ZNF385D: variants seen among roughly 807,000 people sequenced by gnomAD.
ZNF385D encodes zinc finger protein 659.
A neutral mutation model predicts 35.8 loss-of-function variants in ZNF385D; 15 were observed. That is an observed-to-expected ratio of 0.42 (90% CI 0.28 to 0.64). The LOEUF (loss-of-function observed/expected upper bound fraction) is 0.64, where lower values mean the gene tolerates loss of function less well. ZNF385D is among the 30% of genes least tolerant of loss of function. ZNF385D has a pLI of 0.23. For synonymous variants in ZNF385D, 212 were observed against 186.8 expected, an observed-to-expected ratio of 1.13 and a Z score of -1.10; for missense variants, 474 against 494.6, an observed-to-expected ratio of 0.96 and a Z score of 0.39.
intron 2 of ZNF385D, among the ~76,000 whole-genome samples, chr3:22,190,274 T>C (rs1695926421): frequency 6.6e-6 from 1 of 152,194 alleles, no homozygotes; most frequent in Non-Finnish European, 1.5e-5. Flanking sequence ...GTCCATGATA[T>C]GGTATATCCT....
At chr3:22,246,933 T>C (rs983381234) in intron 2 of ZNF385D, among the ~76,000 whole-genome samples, 6 of 152,104 alleles carry the variant, frequency 3.9e-5, no homozygotes, top group African/African-American at 1.4e-4. Flanking sequence ...TTGTACCTTT[T>C]GTCAATCATA....
At chr3:21,979,034 C>T (rs1313461352) in intron 3 of ZNF385D, among the ~76,000 whole-genome samples, 1 of 152,156 alleles carries the variant, frequency 6.6e-6, no homozygotes, top group Non-Finnish European at 1.5e-5. Flanking sequence ...CAAAAGCCTG[C>T]TCAATGGACA....
At chr3:22,092,494 T>A (rs570149534) in intron 3 of ZNF385D, among the ~76,000 whole-genome samples, 52 of 152,132 alleles carry the variant, frequency 3.4e-4, no homozygotes, top group Non-Finnish European at 6.3e-4. Context: ...TCTACTGATA[T>A]CTTCCTGAGT....
intron 3 of ZNF385D, among the ~76,000 whole-genome samples, chr3:21,847,341 C>G (rs1553684030): frequency 2.6e-5 from 4 of 151,656 alleles, no homozygotes; most frequent in Non-Finnish European, 5.9e-5. Flanking sequence ...GAAAATGTGA[C>G]AAAAAAGAGG....
At chr3:21,681,336 G>C (rs2066902131) in intron 1 of ZNF385D, among the ~76,000 whole-genome samples, 1 of 104,236 alleles carries the variant, frequency 9.6e-6, no homozygotes, top group African/African-American at 3.4e-5. Flanking sequence ...CTACATTTTT[G>C]GCACATGGGA....
At chr3:21,979,016 A>C (rs995553639) in intron 3 of ZNF385D, among the ~76,000 whole-genome samples, 2 of 152,182 alleles carry the variant, frequency 1.3e-5, no homozygotes, top group African/African-American at 4.8e-5. Flanking sequence ...ATTCAGGCTC[A>C]CCAGCTCCAA....
intron 3 of ZNF385D, among the ~76,000 whole-genome samples, chr3:22,027,744 G>A (rs1576180301): frequency 6.6e-6 from 1 of 152,226 alleles, no homozygotes; most frequent in East Asian, 1.9e-4. Context: ...GGTCCTGAAG[G>A]CACAAGTTAC....
At chr3:21,929,831 T>C (rs556532201) in intron 3 of ZNF385D, among the ~76,000 whole-genome samples, 1 of 152,126 alleles carries the variant, frequency 6.6e-6, no homozygotes, top group African/African-American at 2.4e-5. Context: ...ACATTCTGCG[T>C]TCACCATTTT....
chr3:22,186,477 C>G (rs1695638580), intron 2 of ZNF385D, among the ~76,000 whole-genome samples: 1 of 152,096 alleles, frequency 6.6e-6, no homozygotes, highest in Non-Finnish European at 1.5e-5. Context: ...GTGGCATGAC[C>G]ATCTCTGTCG....
intron 3 of ZNF385D, among the ~76,000 whole-genome samples, chr3:22,027,915 A>C (rs939035676): frequency 6.6e-6 from 1 of 152,162 alleles, no homozygotes; most frequent in Admixed American, 6.5e-5. Flanking sequence ...GGCACTACCA[A>C]AAGTGGAGAG....
intron 2 of ZNF385D, among the ~76,000 whole-genome samples, chr3:22,291,826 A>G (rs1702315992): frequency 6.6e-6 from 1 of 152,066 alleles, no homozygotes; most frequent in Non-Finnish European, 1.5e-5. Context: ...ACTACTCCTT[A>G]AAATGCAAAA....
intron 2 of ZNF385D, among the ~76,000 whole-genome samples, chr3:22,213,227 C>T (rs1697640042): frequency 6.6e-6 from 1 of 152,010 alleles, no homozygotes; most frequent in Non-Finnish European, 1.5e-5. Flanking sequence ...TGCTTTCTCT[C>T]AAAGGACAGA....
At chr3:21,712,854 T>G (rs73046229) in intron 1 of ZNF385D, among the ~76,000 whole-genome samples, 6,624 of 152,286 alleles carry the variant, frequency 0.043, 231 homozygotes, top group East Asian at 0.15. Context: ...GTCAGTGAAT[T>G]AATTCCTTCT....
intron 3 of ZNF385D, among the ~76,000 whole-genome samples, chr3:21,537,090 G>A (rs1249253705): frequency 1.4e-5 from 2 of 144,842 alleles, no homozygotes; most frequent in East Asian, 4.1e-4. Context: ...TAAAATCAAT[G>A]CAAAACAGAA....
chr3:21,645,068 C>G (rs1283418884), intron 2 of ZNF385D, among the ~76,000 whole-genome samples: 1 of 152,128 alleles, frequency 6.6e-6, no homozygotes, highest in African/African-American at 2.4e-5. Flanking sequence ...AGCCAAATGA[C>G]CTTGAAGGCT....
At chr3:22,290,834 T>C (rs1434216785) in intron 2 of ZNF385D, among the ~76,000 whole-genome samples, 1 of 152,194 alleles carries the variant, frequency 6.6e-6, no homozygotes, top group Non-Finnish European at 1.5e-5. Flanking sequence ...TCCATGTTGC[T>C]GATGTCATCC....
rs557223485 is a variant in ZNF385D, at chr3:22,368,222, T to C, written c.106+4228A>G. 5.3e-5 allele frequency among the ~76,000 whole-genome samples: 8 copies of C among 152,348 alleles called. No homozygotes were observed. The South Asian group carries it at 1.7e-3, about 32-fold the overall frequency. ...CGATCTAAAGGTCTCTATCCTATTCTAAAACTGTGTTCTAGTATACTCTAC... is the reference window on the plus strand; with the variant it reads ...CGATCTAAAGGTCTCTATCCTATTCCAAAACTGTGTTCTAGTATACTCTAC... On this transcript the variant is annotated intron_variant, in intron 2 of 5. Coordinates refer to the ZNF385D transcript ENST00000494108.
intron 3 of ZNF385D, among the ~76,000 whole-genome samples, chr3:22,130,017 C>A (rs754803538): frequency 1.7e-4 from 26 of 152,122 alleles, no homozygotes; most frequent in Admixed American, 2.6e-4. Flanking sequence ...CTCAAGGATT[C>A]TTAAGCCAGC....
chr3:21,866,323 G>T (rs941129235), intron 3 of ZNF385D, among the ~76,000 whole-genome samples: 2 of 151,996 alleles, frequency 1.3e-5, no homozygotes, highest in Non-Finnish European at 2.9e-5. Context: ...GCATGGTGGC[G>T]TGCACCTGTA....
Sources: allele counts gnomAD v4.1 joint callset (sites outside exome capture counted in the v4.1 genomes callset), GRCh38; gene constraint gnomAD v4.1.1; transcripts MANE v1.5; gene names NCBI Gene and HGNC (gene_info 2026-07-23, HGNC 2026-07-21).